DDX20: variants seen among roughly 807,000 people sequenced by gnomAD.
The protein encoded by DDX20 is probable ATP-dependent RNA helicase DDX20.
A neutral mutation model predicts 76.4 loss-of-function variants in DDX20; 61 were observed. That is an observed-to-expected ratio of 0.80 (90% CI 0.65 to 0.99). DDX20 has a LOEUF of 0.99. Ranked by LOEUF, DDX20 falls within the 50% of genes least tolerant of loss-of-function variation. DDX20 has a pLI of 0.00. For missense variants in DDX20, 976 were observed against 996.8 expected (o/e 0.98, Z 0.28); for synonymous variants, 357 against 357.4 (o/e 1.00, Z 0.01).
Position 111,767,572 on chromosome 1 carries a change from T to A in DDX20, c.*673T>A, listed in dbSNP as rs984570205. The stretch of plus-strand genomic sequence containing the variant: ...TTGCTGTGTATTAAATAGCTGTGGG[T>A]CATCAGTTGCTGTCTTACTTGTGTT... On this transcript the variant is annotated 3_prime_UTR_variant, in exon 11 of 11. Coordinates refer to ENST00000369702, the MANE Select transcript of DDX20 (RefSeq NM_007204.5). 2.0e-5 allele frequency: 3 copies of A among 151,730 alleles called. No individual in the cohort carries two copies. Among genetic ancestry groups the A allele is most frequent in the African/African-American group, 7.3e-5 (3 of 41,160 alleles). The allele number at this position is 151,730 out of a possible 1,614,324, so 9.4% of individuals were successfully genotyped here.
chr1:111,766,598 A>G lies in DDX20; in HGVS notation c.2174A>G (p.Glu725Gly). 6.2e-7 allele frequency: 1 copy of G among 1,614,216 alleles called. No homozygotes were observed. The highest frequency in any genetic ancestry group is 8.5e-7 in the Non-Finnish European group (1 of 1,180,020). The change falls in exon 11 of 11, where the codon GAG becomes GGG. Residue 725 changes from glutamate to glycine, a missense_variant. Glu to Gly is a moderately conservative substitution (Grantham distance 98, BLOSUM62 -2). Transcript: ENST00000369702. ...ATCCAGATGAAGACAAGACTTAAAG[A>G]GGGGGCTAGCCAGAGAGCTAAGCAG... ...PGIQMKTRLK[E>G]GASQRAKQSR...
chr1:111,766,258 A>G lies in DDX20; in HGVS notation c.1834A>G (p.Ile612Val), dbSNP rs1663776742. 1 of 1,614,156 alleles carries G rather than the reference A, an allele frequency of 6.2e-7. No homozygotes were observed. Among genetic ancestry groups the G allele is most frequent in the Non-Finnish European group, 8.5e-7 (1 of 1,180,016 alleles). The change falls in exon 11 of 11, where the codon ATC becomes GTC. Residue 612 changes from isoleucine (I) to valine (V), a missense_variant. This residue lies in a region of DDX20 where 630 missense variants were observed against 693.7 expected (regional missense o/e 0.91). Coordinates refer to ENST00000369702, the MANE Select transcript of DDX20 (RefSeq NM_007204.5). ...IKEGLEKPVE[I>V]IRHYTGPGDQ... is the part of the protein sequence containing the mutation. ...AGAGGGGTTAGAGAAACCTGTGGAA[A>G]TCATCAGGCACTACACAGGCCCTGG...
At chr1:111,758,249 T>C (rs1452402650) in intron 2 of DDX20, among the ~76,000 whole-genome samples, 2 of 151,882 alleles carry the variant, frequency 1.3e-5, no homozygotes, top group Non-Finnish European at 2.9e-5. Flanking sequence ...TTTTTAGAAA[T>C]AGGGAAAATT....
At chr1:111,761,412 A>G (rs1248418309) in intron 7 of DDX20, 128 bp downstream of exon 7, 3 of 669,998 alleles carry the variant, frequency 4.5e-6, no homozygotes, top group Non-Finnish European at 7.3e-6. Flanking sequence ...TTTAGAGTAA[A>G]GGAATTTTCA....
rs1663800028 is a variant in DDX20, at chr1:111,767,091, T to C, written c.*192T>C. On this transcript the variant is annotated 3_prime_UTR_variant, in exon 11 of 11. Coordinates refer to ENST00000369702, the MANE Select transcript of DDX20 (RefSeq NM_007204.5). Reference sequence around the variant, plus strand: ...AGGCCAGGTATATTATCTTCATTTTTAAGAGTTTCTTTAAGAAACTTCATC... The same window carrying C: ...AGGCCAGGTATATTATCTTCATTTTCAAGAGTTTCTTTAAGAAACTTCATC... 4 of 417,262 alleles carry C rather than the reference T, an allele frequency of 9.6e-6. No homozygotes were observed. Among genetic ancestry groups the C allele is most frequent in the Admixed American group, 3.9e-5 (1 of 25,336 alleles). The allele number at this position is 417,262 out of a possible 1,614,324, so 25.8% of individuals were successfully genotyped here.
At position 111,763,024 on chromosome 1, in the gene DDX20, T is replaced by G. The variant is rs758972156; in HGVS notation, c.1312+17T>G. The G allele has an allele frequency of 6.4e-7, 1 of 1,564,340 alleles. No homozygotes were observed. The highest frequency in any genetic ancestry group is 8.8e-7 in the Non-Finnish European group (1 of 1,136,162). ...CTTTACCAGGTACATTTCATCTGTTTCATTATTTCAAAATAATTATAGTGG... is the reference window on the plus strand; with the variant it reads ...CTTTACCAGGTACATTTCATCTGTTGCATTATTTCAAAATAATTATAGTGG... On this transcript the variant is annotated intron_variant, in intron 10 of 10. Transcript: ENST00000369702.
In DDX20 at chr1:111,756,082, CG is replaced by C. The variant is rs1303768528; in HGVS notation, c.163del (p.Asp55MetfsTer48). The C allele has an allele frequency of 5.0e-6, 8 of 1,605,306 alleles. No homozygotes were observed. Among genetic ancestry groups the C allele is most frequent in the Non-Finnish European group, 6.8e-6 (8 of 1,179,254 alleles). ...GATCTCAGCAGCCCGCGGACCCGCACGGGGGATGTGCTGTTGGCGGAGCCGG... is the reference window on the plus strand; with the variant it reads ...GATCTCAGCAGCCCGCGGACCCGCACGGGGATGTGCTGTTGGCGGAGCCGG... ...AQDLSSPRTR[T>X]GDVLLAEPAD... is the part of the protein sequence containing the mutation. On this transcript the variant is annotated frameshift_variant, in exon 1 of 11. Coordinates refer to ENST00000369702, the MANE Select transcript of DDX20 (RefSeq NM_007204.5). LOFTEE classifies it high-confidence loss of function.
rs771020387 is a variant in DDX20, at chr1:111,766,653, C to G, written c.2229C>G (p.Ser743=). 3 of 1,614,150 alleles carry G rather than the reference C, an allele frequency of 1.9e-6. No homozygotes were observed. The highest frequency in any genetic ancestry group is 2.5e-6 in the Non-Finnish European group (3 of 1,180,022). ...QSRRNLPRRS[S]FRLQTEAQED... ...GGAGAAACCTACCCAGGCGGTCTTCCTTCAGATTGCAGACTGAAGCCCAGG... is the reference window on the plus strand; with the variant it reads ...GGAGAAACCTACCCAGGCGGTCTTCGTTCAGATTGCAGACTGAAGCCCAGG... The change falls in exon 11 of 11, where the codon TCC becomes TCG. Residue 743 remains serine, a synonymous_variant. Transcript: ENST00000369702.
rs75494293 is a variant in DDX20, at chr1:111,766,273, A to C, written c.1849A>C (p.Thr617Pro). ...ACCTGTGGAAATCATCAGGCACTAC[A>C]CAGGCCCTGGGGATCAGACTGTGAA... ...EKPVEIIRHY[T>P]GPGDQTVNPQ... Residue 617 changes from threonine to proline, a missense_variant, in exon 11 of 11, where the codon ACA (threonine) becomes CCA (proline). By Grantham distance (38) the Thr-to-Pro change is conservative. Coordinates refer to ENST00000369702, the MANE Select transcript of DDX20 (RefSeq NM_007204.5). The C allele has an allele frequency of 7.8e-4, 1,259 of 1,614,186 alleles. 17 individuals are homozygous for C. The East Asian group carries it at 0.024, about 31-fold the overall frequency.
Position 111,755,985 on chromosome 1 carries a change from G to A in DDX20, c.61G>A (p.Glu21Lys). 1 of 1,602,712 alleles carries A rather than the reference G, an allele frequency of 6.2e-7. No homozygotes were observed. The highest frequency in any genetic ancestry group is 8.5e-7 in the Non-Finnish European group (1 of 1,172,286). The change falls in exon 1 of 11, where the codon GAG becomes AAG. Residue 21 changes from glutamate (E) to lysine (K), a missense_variant. By Grantham distance (56) the Glu-to-Lys change is moderately conservative. Around this residue, in one of 3 missense-constraint regions of DDX20, gnomAD observed 343 missense variants for 286.4 expected, o/e 1.20. Coordinates refer to ENST00000369702, the MANE Select transcript of DDX20 (RefSeq NM_007204.5). ...LAAVATAMPA[E>K]HVAVQVPAPE... is the part of the protein sequence containing the mutation. ...AGCAGTGGCGACTGCTATGCCGGCT[G>A]AGCATGTGGCCGTGCAGGTCCCGGC...
rs1376235647 is a variant in DDX20 at position 111,766,887 on chromosome 1, T to C, written c.2463T>C (p.His821=). 1.9e-6 allele frequency: 3 copies of C among 1,608,276 alleles called. No homozygotes were observed. In the South Asian group the frequency reaches 3.3e-5, roughly 18 times the overall value. The change falls in exon 11 of 11, where the codon CAT becomes CAC. Residue 821 remains histidine, a synonymous_variant. Coordinates refer to ENST00000369702, the MANE Select transcript of DDX20 (RefSeq NM_007204.5). Reference sequence around the variant, plus strand: ...CCATTTATCTACAAGAAATGATGCATAGTAACCAGTGATTATAGGATATAC... The same window carrying C: ...CCATTTATCTACAAGAAATGATGCACAGTAACCAGTGATTATAGGATATAC... ...MNTIYLQEMM[H]SNQ
rs150788959 is a variant in DDX20 at position 111,760,628 on chromosome 1, C to T, written c.680+40C>T. On this transcript the variant is annotated intron_variant, in intron 4 of 10. Coordinates refer to ENST00000369702, the MANE Select transcript of DDX20 (RefSeq NM_007204.5). Reference sequence around the variant, plus strand: ...TAACTTGACTATTAAAACAGTGTTCCGAAGTATCTATCTTTAGCTTTTCCA... The same window carrying T: ...TAACTTGACTATTAAAACAGTGTTCTGAAGTATCTATCTTTAGCTTTTCCA... 428 of 1,600,536 alleles carry T rather than the reference C, an allele frequency of 2.7e-4. 1 individual carries two copies. The East Asian group carries it at 7.2e-3, about 27-fold the overall frequency.
At chr1:111,756,322 C>T (rs970945582) in intron 1 of DDX20, 97 bp downstream of exon 1, 1 of 1,291,256 alleles carries the variant, frequency 7.7e-7, no homozygotes, top group Non-Finnish European at 1.0e-6. Context: ...TCAGGAAGAG[C>T]CCTCGGTCGG....
In DDX20 at chr1:111,766,142, C is replaced by T. The variant is rs776711711; in HGVS notation, c.1718C>T (p.Pro573Leu). 4 of 1,614,070 alleles carry T rather than the reference C, an allele frequency of 2.5e-6. No homozygotes were observed. The highest frequency in any genetic ancestry group is 4.5e-5 in the East Asian group (2 of 44,902). ...AAAGAAGCTTTACCTGTGTCACTCC[C>T]CCAGATTCCTTGTCTGTCTTCCTTT... is the stretch of plus-strand genomic sequence containing the variant. ...QVKEALPVSLPQIPCLSSFKI... is the reference protein window; with the variant it reads ...QVKEALPVSLLQIPCLSSFKI... Residue 573 changes from proline to leucine, a missense_variant, in exon 11 of 11, where the codon CCC becomes CTC. Pro to Leu is a moderately conservative substitution (Grantham distance 98). This residue lies in a region of DDX20 where 630 missense variants were observed against 693.7 expected (regional missense o/e 0.91). Coordinates refer to ENST00000369702, the MANE Select transcript of DDX20 (RefSeq NM_007204.5).
intron 1 of DDX20, 35 bp downstream of exon 1, chr1:111,756,260 G>A (rs775854777): frequency 7.0e-5 from 93 of 1,322,150 alleles, no homozygotes; most frequent in Non-Finnish European, 8.7e-5. Context: ...TCGGGGGGTG[G>A]GGTGGGAGAA....
chr1:111,764,528 CT>C (rs1663738892), intron 10 of DDX20, among the ~76,000 whole-genome samples: 1 of 152,152 alleles, frequency 6.6e-6, no homozygotes, highest in African/African-American at 2.4e-5. Context: ...TTGCAAAGTA[CT>C]TTAGAGTAAA....
rs1167487069 is a variant in DDX20 at position 111,760,983 on chromosome 1, G to A, written c.824-4G>A. The A allele has an allele frequency of 5.0e-6, 8 of 1,610,714 alleles. No homozygotes were observed. The highest frequency in any genetic ancestry group is 1.3e-5 in the African/African-American group (1 of 74,810). On this transcript the variant is annotated splice_region_variant and splice_polypyrimidine_tract_variant and intron_variant, in intron 5 of 10. Transcript: ENST00000369702. ...TTGTTTTAACTGATAGCTCTTCTTT[G>A]TAGGTTTGAAGCAGTATTACAAAGT...
In DDX20 at chr1:111,762,889, A is replaced by G. The variant is rs183142796; in HGVS notation, c.1211-17A>G. The G allele has an allele frequency of 6.2e-6, 10 of 1,608,832 alleles. No individual in the cohort carries two copies. The East Asian group carries it at 2.2e-4, about 36-fold the overall frequency. On this transcript the variant is annotated splice_polypyrimidine_tract_variant and intron_variant, in intron 9 of 10. Transcript: ENST00000369702. ...TTGTGAAAATGATTTACTACCTAAC[A>G]TTCTCTCTGCTTTTAGGTACATTGG... is the stretch of plus-strand genomic sequence containing the variant.
In DDX20 at chr1:111,766,958, ATCC is replaced by A. The variant is rs1663796623; in HGVS notation, c.*65_*67del. Reference sequence around the variant, plus strand: ...CAACAAATGATACCTTTGGATATCCATCCTCCTCGACTTATAGTACAGTGGTGT... The same window carrying A: ...CAACAAATGATACCTTTGGATATCCATCCTCGACTTATAGTACAGTGGTGT... On this transcript the variant is annotated 3_prime_UTR_variant, in exon 11 of 11. Coordinates refer to ENST00000369702, the MANE Select transcript of DDX20 (RefSeq NM_007204.5). 12 of 1,366,712 alleles carry A rather than the reference ATCC, an allele frequency of 8.8e-6. No homozygotes were observed. Among genetic ancestry groups the A allele is most frequent in the Non-Finnish European group, 1.0e-5 (10 of 986,306 alleles). 84.7% of individuals were successfully genotyped at this position (1,366,712 alleles called of 1,614,324 possible).
Sources: gnomAD v4.1 joint callset for allele counts (sites outside exome capture counted in the v4.1 genomes callset) on GRCh38, gnomAD v4.1.1 for gene constraint, gnomAD v4.1.1 regional missense constraint, MANE v1.5 for transcripts, NCBI Gene and HGNC (gene_info 2026-07-23, HGNC 2026-07-21) for gene names.